Variants in PROX1 observed in about 807,000 individuals in gnomAD.
The protein encoded by PROX1 is prospero homeobox 1, also known as prospero homeobox protein 1.
Under a neutral mutation model 58.8 loss-of-function variants are expected in PROX1, and 7 were observed. The observed-to-expected ratio is 0.12, with a 90% confidence interval of 0.07 to 0.22. The LOEUF is 0.22. Ranked by LOEUF, PROX1 falls within the 10% of genes least tolerant of loss-of-function variation. The probability of loss-of-function intolerance (pLI) is 1.00; values close to 1 mark genes in which losing one functional copy is unlikely to be tolerated. For synonymous variants in PROX1, 350 were observed against 358.3 expected, an observed-to-expected ratio of 0.98 and a Z score of 0.26; for missense variants, 675 against 927.8, an observed-to-expected ratio of 0.73 and a Z score of 3.54.
intron 1 of PROX1, 109 bp from the exon 2 acceptor site, chr1:213,996,360 C>T: frequency 3.2e-6 from 2 of 634,068 alleles, no homozygotes; most frequent in South Asian, 5.9e-5. Flanking sequence ...TTGTAATGTG[C>T]CATAAATCCC....
At position 214,035,948 on chromosome 1, in the gene PROX1, G is replaced by A. The variant is rs1411387754; in HGVS notation, c.*114G>A. The A allele has an allele frequency of 1.1e-6, 1 of 869,732 alleles. No individual in the cohort carries two copies. The highest frequency in any genetic ancestry group is 1.6e-6 in the Non-Finnish European group (1 of 618,266). The allele number at this position is 869,732 out of a possible 1,614,324, so 53.9% of individuals were successfully genotyped here. On this transcript the variant is annotated 3_prime_UTR_variant, in exon 5 of 5. Coordinates refer to ENST00000366958, the MANE Select transcript of PROX1 (RefSeq NM_001270616.2). The stretch of plus-strand genomic sequence containing the variant: ...ATATGTGTATGGGAGGCATGGATAT[G>A]TTATGAAATCAGCTGGTAATTCCTC...
chr1:213,994,750 A>AATATATATATATATATAT (rs66460564), intron 1 of PROX1, among the ~76,000 whole-genome samples: 1 of 88,314 alleles, frequency 1.1e-5, no homozygotes, highest in Non-Finnish European at 2.2e-5. Context: ...CAAGCATGCA[A>AATATATATATATATATAT]ATATATATAT....
intron 3 of PROX1, among the ~76,000 whole-genome samples, chr1:214,009,718 G>A (rs1000984427): frequency 6.6e-6 from 1 of 151,836 alleles, no homozygotes; most frequent in Non-Finnish European, 1.5e-5. Flanking sequence ...TAGGTCATTC[G>A]TGACCATTCT....
rs139481742 is a variant in PROX1, at chr1:213,991,626, A to T, written c.-68+3143A>T. Among the ~76,000 whole-genome samples the T allele has an allele frequency of 1.8e-3, 267 of 152,352 alleles. 2 individuals are homozygous for T. Among genetic ancestry groups the T allele is most frequent in the Middle Eastern group, 0.014 (4 of 294 alleles). On this transcript the variant is annotated intron_variant, in intron 1 of 4. Transcript: ENST00000366958. ...CTTGTGGGAAAAAAAAGTCATGCAT[A>T]CATAACATGCATCTTTGTTCTCACT...
chr1:213,998,369 G>T, intron 2 of PROX1, 109 bp downstream of exon 2: 1 of 1,275,126 alleles, frequency 7.8e-7, no homozygotes, highest in Non-Finnish European at 1.0e-6. Context: ...TCTTAAGAAG[G>T]CAACCTTTCC....
chr1:213,996,831 A>G lies in PROX1; in HGVS notation c.296A>G (p.Asn99Ser), dbSNP rs774853032. The change falls in exon 2 of 5, where the codon AAT becomes AGT. Residue 99 changes from asparagine to serine, a missense_variant. Coordinates refer to ENST00000366958, the MANE Select transcript of PROX1 (RefSeq NM_001270616.2). ...GATIISQLLK[N>S]NMNKNGGTEP... ...ACCATAATTTCCCAGCTGTTGAAAA[A>G]TAACATGAACAAAAATGGTGGCACG... 3 of 1,614,146 alleles carry G rather than the reference A, an allele frequency of 1.9e-6. No homozygotes were observed. The highest frequency in any genetic ancestry group is 2.5e-6 in the Non-Finnish European group (3 of 1,180,022).
chr1:214,012,773 G>A (rs542256386), intron 4 of PROX1, among the ~76,000 whole-genome samples: 3 of 152,314 alleles, frequency 2.0e-5, no homozygotes, highest in Non-Finnish European at 4.4e-5. Flanking sequence ...CAACGTCTGT[G>A]TGCACTTGGA....
rs768724540 is a variant in PROX1, at chr1:213,997,709, A to C, written c.1174A>C (p.Arg392=). 9 of 1,614,054 alleles carry C rather than the reference A, an allele frequency of 5.6e-6. No individual in the cohort carries two copies. The highest frequency in any genetic ancestry group is 7.6e-6 in the Non-Finnish European group (9 of 1,179,954). The change falls in exon 2 of 5, where the codon AGA becomes CGA. Residue 392 remains arginine, a synonymous_variant. Transcript: ENST00000366958. This position sits in a 1 kb window ranked among gnomAD's most constrained non-coding sequence, Gnocchi z 7.1. ...CCCACCTCTCCAGATCCCCCAGGCC[A>C]GATTTGCAGTCAATGGGGAAAACCA... is the stretch of plus-strand genomic sequence containing the variant. ...VFPPLQIPQA[R]FAVNGENHNF...
rs957973843 is a variant in PROX1 at position 214,041,349 on chromosome 1, T to A, written c.*5515T>A. On this transcript the variant is annotated 3_prime_UTR_variant, in exon 5 of 5. Transcript: ENST00000366958. ...GGCTAGTTGTGCCAGTAATGTCAAGTATGGAGATTTTCTTTCACTACAATT... is the reference window on the plus strand; with the variant it reads ...GGCTAGTTGTGCCAGTAATGTCAAGAATGGAGATTTTCTTTCACTACAATT... 1 of 152,120 alleles carries A rather than the reference T, an allele frequency of 6.6e-6. No homozygotes were observed. Among genetic ancestry groups the A allele is most frequent in the African/African-American group, 2.4e-5 (1 of 41,438 alleles). The allele number at this position is 152,120 out of a possible 1,614,324, so 9.4% of individuals were successfully genotyped here.
At chr1:214,022,281 T>A (rs1664306685) in intron 4 of PROX1, among the ~76,000 whole-genome samples, 1 of 152,230 alleles carries the variant, frequency 6.6e-6, no homozygotes, top group Non-Finnish European at 1.5e-5. Flanking sequence ...TAGTGACTAC[T>A]TCACAGAGTG....
chr1:214,030,181 AG>A (rs1466378215), intron 4 of PROX1: 2 of 152,526 alleles, frequency 1.3e-5, no homozygotes, highest in East Asian at 1.9e-4. Context: ...GCCCTTTTAT[AG>A]TATAAAAAAA....
chr1:214,018,734 T>C (rs1664179671), intron 4 of PROX1, among the ~76,000 whole-genome samples: 1 of 152,232 alleles, frequency 6.6e-6, no homozygotes, highest in Admixed American at 6.5e-5. Flanking sequence ...AGGCAATCTC[T>C]GTGTCTCTTA....
upstream of PROX1, chr1:213,984,937 G>C (rs1165804701): frequency 6.6e-6 from 1 of 152,276 alleles, no homozygotes; most frequent in African/African-American, 2.4e-5. Context: ...CCACCTAACA[G>C]CTTTAAGAAA....
chr1:213,995,581 CCTG>C (rs1449860909), intron 1 of PROX1, among the ~76,000 whole-genome samples: 1 of 151,816 alleles, frequency 6.6e-6, no homozygotes, highest in Non-Finnish European at 1.5e-5. Flanking sequence ...GGAAACTAGT[CCTG>C]AAGATATATT....
intron 4 of PROX1, among the ~76,000 whole-genome samples, chr1:214,013,138 GGTGTGTGTGTGT>G (rs67603307): frequency 2.7e-5 from 4 of 148,186 alleles, no homozygotes; most frequent in African/African-American, 7.5e-5. Flanking sequence ...AAGTTTGGGT[GGTGTGTGTGTGT>G]GTGTGTGTGT....
At chr1:214,001,863 A>AT (rs962554425) in intron 2 of PROX1, among the ~76,000 whole-genome samples, 3 of 150,930 alleles carry the variant, frequency 2.0e-5, no homozygotes, top group Non-Finnish European at 4.4e-5. Flanking sequence ...AAGTAAGTAA[A>AT]TTAAAAAAAA....
rs115328436 is a variant in PROX1 at position 214,013,612 on chromosome 1, C to T, written c.2028+1897C>T. Among the ~76,000 whole-genome samples the T allele has an allele frequency of 6.2e-3, 949 of 152,194 alleles. 8 individuals are homozygous for T. The highest frequency in any genetic ancestry group is 0.021 in the African/African-American group (855 of 41,510). On this transcript the variant is annotated intron_variant, in intron 4 of 4. Coordinates refer to ENST00000366958, the MANE Select transcript of PROX1 (RefSeq NM_001270616.2). Reference sequence around the variant, plus strand: ...AACCTTACCTGGTTGGAATTTAATCCGCTACCCACAGGCCAGGGGCCAAAA... The same window carrying T: ...AACCTTACCTGGTTGGAATTTAATCTGCTACCCACAGGCCAGGGGCCAAAA...
chr1:214,005,142 T>C (rs754663044), intron 2 of PROX1, 23 bp from the exon 3 acceptor site: 2 of 1,590,316 alleles, frequency 1.3e-6, no homozygotes. Flanking sequence ...AGAATTGCTT[T>C]TCCTTAACCA....
At chr1:214,004,827 G>A (rs1476171884) in intron 2 of PROX1, among the ~76,000 whole-genome samples, 1 of 152,190 alleles carries the variant, frequency 6.6e-6, no homozygotes, top group East Asian at 1.9e-4. Flanking sequence ...TGTAGTACAT[G>A]TTGGGTGCAT....
Sources: gnomAD v4.1 joint callset for allele counts (sites outside exome capture counted in the v4.1 genomes callset) on GRCh38, gnomAD v4.1.1 for gene constraint, Gnocchi (gnomAD v3.1) non-coding constraint, MANE v1.5 for transcripts, NCBI Gene and HGNC (gene_info 2026-07-23, HGNC 2026-07-21) for gene names.